OSBPL9: variants seen among roughly 807,000 people sequenced by gnomAD.
OSBPL9 encodes the protein oxysterol binding protein like 9.
In OSBPL9, 40 loss-of-function variants were observed where a neutral mutation model predicts 106.6. The ratio of observed to expected loss-of-function variants is 0.38; its 90% CI spans 0.29 to 0.49. The LOEUF (loss-of-function observed/expected upper bound fraction) is 0.49, where lower values mean the gene tolerates loss of function less well. Ranked by LOEUF, OSBPL9 falls within the 20% of genes least tolerant of loss-of-function variation. The pLI, the probability that OSBPL9 is intolerant of heterozygous loss-of-function variation, is 0.97. For missense variants in OSBPL9, 609 were observed against 887.2 expected (o/e 0.69, Z 3.98); for synonymous variants, 269 against 295.4 (o/e 0.91, Z 0.92).
Position 51,787,717 on chromosome 1 carries a change from A to G in OSBPL9, c.2139A>G (p.Leu713=), listed in dbSNP as rs752273030. The G allele has an allele frequency of 7.4e-6, 12 of 1,612,490 alleles. No homozygotes were observed. The highest frequency in any genetic ancestry group is 4.0e-5 in the African/African-American group (3 of 74,898). Residue 713 remains leucine, a splice_region_variant and synonymous_variant, in exon 24 of 24, where the codon TTA becomes TTG. Coordinates refer to ENST00000428468, the MANE Select transcript of OSBPL9 (RefSeq NM_024586.6). ...AATTCTTCCTCTTTGTCTTACAGTT[A>G]TTTCATGAAGATGGAGAATGCTGGG... ...KEKEIQWETR[L]FHEDGECWVY... is the part of the protein sequence containing the mutation.
rs191723618 is a variant in OSBPL9 at position 51,585,581 on chromosome 1, G to A, written c.-423+8325G>A. ...TCACAAGGTCAGGAGTTCGAGACCA[G>A]CCTGACCAACATGGTGAAACCCTGT... On this transcript the variant is annotated intron_variant, in intron 1 of 25. Transcript: ENST00000371714. Among the ~76,000 whole-genome samples, 3 of 152,236 alleles carry A rather than the reference G, an allele frequency of 2.0e-5. No homozygotes were observed. In the East Asian group the frequency reaches 5.8e-4, roughly 29 times the overall value.
upstream of OSBPL9, among the ~76,000 whole-genome samples, chr1:51,612,926 T>C (rs998221580): frequency 1.3e-5 from 2 of 152,246 alleles, no homozygotes; most frequent in African/African-American, 4.8e-5. Context: ...TGTGTGACTT[T>C]TGGCAAGCCA....
intron 1 of OSBPL9, among the ~76,000 whole-genome samples, chr1:51,596,916 A>G (rs1645302943): frequency 6.6e-6 from 1 of 152,218 alleles, no homozygotes; most frequent in South Asian, 2.1e-4. Context: ...CCAGTAGGGG[A>G]CACAGAGTCT....
At chr1:51,565,708 C>A in the OSBPL9 span, 8 of 152,154 alleles carry the variant, frequency 5.3e-5, no homozygotes, top group African/African-American at 1.7e-4. Flanking sequence ...ATCAGCCTGA[C>A]CCCAGAGTTT....
At chr1:51,607,153 C>CTTTACT (rs1557582737) in intron 2 of OSBPL9, among the ~76,000 whole-genome samples, 4 of 148,812 alleles carry the variant, frequency 2.7e-5, no homozygotes, top group African/African-American at 1.0e-4. Context: ...TTTTTCTTTT[C>CTTTACT]TTTTCTTTTT....
upstream of OSBPL9, among the ~76,000 whole-genome samples, chr1:51,576,185 G>T (rs981705949): frequency 6.6e-6 from 1 of 152,160 alleles, no homozygotes; most frequent in Non-Finnish European, 1.5e-5. Context: ...AAGGGAAGAG[G>T]TTTTACCTCC....
intron 2 of OSBPL9, among the ~76,000 whole-genome samples, chr1:51,610,256 G>A (rs1643977672): frequency 2.0e-5 from 3 of 151,986 alleles, no homozygotes; most frequent in Admixed American, 1.3e-4. Flanking sequence ...TGTTGTTGTT[G>A]TTGTTGTTGT....
intron 2 of OSBPL9, among the ~76,000 whole-genome samples, chr1:51,663,362 C>CA (rs911406819): frequency 6.6e-6 from 1 of 151,464 alleles, no homozygotes; most frequent in African/African-American, 2.4e-5. Flanking sequence ...TATGAAGAGT[C>CA]AAGAGTATCC....
chr1:51,774,864 G>A (rs1256328615), intron 14 of OSBPL9, among the ~76,000 whole-genome samples: 1 of 152,006 alleles, frequency 6.6e-6, no homozygotes, highest in Non-Finnish European at 1.5e-5. Flanking sequence ...CTAAGTAGAA[G>A]AAAAAAATAT....
chr1:51,748,495 G>A (rs151298477), intron 7 of OSBPL9, 97 bp downstream of exon 7: 13,712 of 1,262,114 alleles, frequency 0.011, 87 homozygotes, highest in Non-Finnish European at 0.013. Flanking sequence ...CAGCAATTGA[G>A]ATGTTAGTTT....
At chr1:51,562,741 T>A in the OSBPL9 span, among the ~76,000 whole-genome samples, 2 of 152,200 alleles carry the variant, frequency 1.3e-5, no homozygotes, top group Non-Finnish European at 2.9e-5. Context: ...TCTCAGAGAA[T>A]ATCATCTGAG....
intron 4 of OSBPL9, among the ~76,000 whole-genome samples, chr1:51,714,381 A>G (rs537996011): frequency 6.6e-6 from 1 of 152,368 alleles, no homozygotes; most frequent in South Asian, 2.1e-4. Flanking sequence ...GTAGTCAGTT[A>G]TCAATACAAC....
intron 4 of OSBPL9, among the ~76,000 whole-genome samples, chr1:51,721,818 G>A (rs964971756): frequency 9.8e-5 from 15 of 152,330 alleles, no homozygotes; most frequent in Admixed American, 8.5e-4. Flanking sequence ...CAATACAGAT[G>A]TGTCACCTCT....
At chr1:51,734,558 C>G (rs192827018) in intron 4 of OSBPL9, among the ~76,000 whole-genome samples, 7 of 152,278 alleles carry the variant, frequency 4.6e-5, no homozygotes, top group Admixed American at 3.3e-4. Context: ...GGAATTTATC[C>G]TCCTGGTGAA....
intron 1 of OSBPL9, among the ~76,000 whole-genome samples, chr1:51,577,979 G>C (rs1309733868): frequency 2.6e-5 from 4 of 152,202 alleles, no homozygotes; most frequent in African/African-American, 9.6e-5. Flanking sequence ...ACAAATTTAA[G>C]AGTCAATCAT....
At chr1:51,753,928 C>T (rs965516898) in intron 8 of OSBPL9, among the ~76,000 whole-genome samples, 1 of 152,064 alleles carries the variant, frequency 6.6e-6, no homozygotes, top group South Asian at 2.1e-4. Context: ...TATTTTAAAC[C>T]CCCTGGGTGG....
intron 3 of OSBPL9, among the ~76,000 whole-genome samples, chr1:51,693,624 G>A (rs935316909): frequency 7.2e-5 from 11 of 152,138 alleles, no homozygotes; most frequent in East Asian, 1.9e-4. Flanking sequence ...CTCAGACTTC[G>A]TGGATATCAA....
At chr1:51,768,781 G>A (rs889612993) in intron 12 of OSBPL9, among the ~76,000 whole-genome samples, 1 of 152,160 alleles carries the variant, frequency 6.6e-6, no homozygotes, top group Non-Finnish European at 1.5e-5. Context: ...AGGCTCATGG[G>A]CTTCTTCTAT....
intron 12 of OSBPL9, among the ~76,000 whole-genome samples, chr1:51,771,155 TAAAAG>T (rs1201804642): frequency 6.6e-6 from 1 of 152,162 alleles, no homozygotes. Context: ...TTAAAAAAAT[TAAAAG>T]AAGTTAAGTA....
Sources: allele counts gnomAD v4.1 joint callset (sites outside exome capture counted in the v4.1 genomes callset), GRCh38; gene constraint gnomAD v4.1.1; transcripts MANE v1.5; gene names NCBI Gene and HGNC (gene_info 2026-07-23, HGNC 2026-07-21).